The following CNTNAP2 variants were observed in gnomAD, a reference collection of about 807,000 sequenced individuals.
CNTNAP2 encodes contactin-associated protein-like 2.
A neutral mutation model predicts 155.2 loss-of-function variants in CNTNAP2; 98 were observed. The ratio of observed to expected loss-of-function variants is 0.63; its 90% CI spans 0.54 to 0.75. The LOEUF (loss-of-function observed/expected upper bound fraction) is 0.75, where lower values mean the gene tolerates loss of function less well. CNTNAP2 is among the 30% of genes least tolerant of loss of function. The pLI is 0.00. For synonymous variants in CNTNAP2, 651 were observed against 631.2 expected (o/e 1.03, Z -0.47); for missense variants, 1,727 against 1,688.1 (o/e 1.02, Z -0.40).
At chr7:147,889,118 A>C (rs1452989839) in intron 13 of CNTNAP2, among the ~76,000 whole-genome samples, 1 of 152,110 alleles carries the variant, frequency 6.6e-6, no homozygotes, top group South Asian at 2.1e-4. Context: ...TAAACTTTCT[A>C]GGGTATCTAC....
intron 11 of CNTNAP2, among the ~76,000 whole-genome samples, chr7:147,548,015 C>A (rs1019463281): frequency 6.6e-6 from 1 of 152,078 alleles, no homozygotes; most frequent in African/African-American, 2.4e-5. Flanking sequence ...CACTGATGGG[C>A]ATTTTGGTTG....
intron 1 of CNTNAP2, among the ~76,000 whole-genome samples, chr7:146,441,015 C>T (rs1796312985): frequency 6.6e-6 from 1 of 151,482 alleles, no homozygotes; most frequent in Admixed American, 6.6e-5. Context: ...ACAACTTGTC[C>T]TACAAGTCTA....
At chr7:147,456,626 G>C (rs376515346) in intron 10 of CNTNAP2, among the ~76,000 whole-genome samples, 1 of 151,992 alleles carries the variant, frequency 6.6e-6, no homozygotes, top group East Asian at 1.9e-4. Context: ...ACCTTGCATG[G>C]GGAAGAGGGA....
chr7:148,293,682 T>G (rs897485682), intron 21 of CNTNAP2, among the ~76,000 whole-genome samples: 3 of 152,180 alleles, frequency 2.0e-5, no homozygotes, highest in Non-Finnish European at 4.4e-5. Context: ...GGAGAAGTCA[T>G]GTCTTGGACA....
chr7:148,005,110 C>T (rs1488887515), intron 15 of CNTNAP2, among the ~76,000 whole-genome samples: 1 of 152,154 alleles, frequency 6.6e-6, no homozygotes, highest in African/African-American at 2.4e-5. Context: ...TTATAAACAA[C>T]TGAAATTTGT....
chr7:147,520,173 A>G lies in CNTNAP2; in HGVS notation c.1777+34132A>G, dbSNP rs537075798. On this transcript the variant is annotated intron_variant, in intron 11 of 23. Coordinates refer to ENST00000361727, the MANE Select transcript of CNTNAP2 (RefSeq NM_014141.6). ...GTGTGAAAACTGAGTTAATATTCTT[A>G]TGAACACGAATACTTGGCAGCCAAT... is the stretch of plus-strand genomic sequence containing the variant. 2.6e-5 allele frequency among the ~76,000 whole-genome samples: 4 copies of G among 152,358 alleles called. No homozygotes were observed. The East Asian group carries it at 5.8e-4, about 22-fold the overall frequency.
At chr7:146,842,674 G>A (rs1251012965) in intron 3 of CNTNAP2, among the ~76,000 whole-genome samples, 1 of 152,018 alleles carries the variant, frequency 6.6e-6, no homozygotes, top group African/African-American at 2.4e-5. Flanking sequence ...AGAAAGAGAC[G>A]GGGGTGTCAC....
intron 3 of CNTNAP2, among the ~76,000 whole-genome samples, chr7:146,850,080 T>TAAAA (rs2129202918): frequency 6.6e-6 from 1 of 152,282 alleles, no homozygotes; most frequent in Non-Finnish European, 1.5e-5. Flanking sequence ...TAAATTTGGT[T>TAAAA]TGCTTGAGTT....
chr7:147,228,063 C>T (rs1584805229), intron 8 of CNTNAP2, among the ~76,000 whole-genome samples: 1 of 152,034 alleles, frequency 6.6e-6, no homozygotes, highest in African/African-American at 2.4e-5. Flanking sequence ...TGTCAAGGAA[C>T]AGTAGATGAA....
intron 1 of CNTNAP2, among the ~76,000 whole-genome samples, chr7:146,550,842 G>C (rs1013739489): frequency 5.9e-5 from 9 of 151,998 alleles, no homozygotes; most frequent in South Asian, 2.1e-4. Context: ...CTGTTCCACA[G>C]GACATTGAAG....
At chr7:148,394,399 C>G (rs909922876) in intron 22 of CNTNAP2, among the ~76,000 whole-genome samples, 1 of 152,190 alleles carries the variant, frequency 6.6e-6, no homozygotes, top group Non-Finnish European at 1.5e-5. Flanking sequence ...CAGTACTTAT[C>G]ATTGAGCTTT....
At chr7:146,557,597 C>T (rs1197871112) in intron 1 of CNTNAP2, among the ~76,000 whole-genome samples, 1 of 151,980 alleles carries the variant, frequency 6.6e-6, no homozygotes, top group African/African-American at 2.4e-5. Flanking sequence ...AGTTAAAAGC[C>T]TTATGAGAAA....
chr7:147,278,115 G>A (rs1282274151), intron 8 of CNTNAP2, among the ~76,000 whole-genome samples: 1 of 117,292 alleles, frequency 8.5e-6, no homozygotes, highest in Admixed American at 9.1e-5. Flanking sequence ...TCAGGAAGGG[G>A]TGGAAACCAT....
At chr7:147,531,188 C>A (rs1247622633) in intron 11 of CNTNAP2, among the ~76,000 whole-genome samples, 1 of 152,128 alleles carries the variant, frequency 6.6e-6, no homozygotes, top group Non-Finnish European at 1.5e-5. Context: ...TGTGGCTTTT[C>A]CAAGTTCAAG....
At chr7:147,815,021 G>T (rs919335466) in intron 13 of CNTNAP2, among the ~76,000 whole-genome samples, 8 of 152,180 alleles carry the variant, frequency 5.3e-5, no homozygotes, top group Middle Eastern at 3.2e-3. Context: ...GAGAGCACCA[G>T]GGGTTGGAGG....
intron 1 of CNTNAP2, among the ~76,000 whole-genome samples, chr7:146,136,019 G>A (rs746831593): frequency 1.3e-5 from 2 of 152,092 alleles, no homozygotes; most frequent in Admixed American, 6.6e-5. Flanking sequence ...TATGTAAATA[G>A]CCCCCAATTA....
At chr7:146,778,407 T>C (rs1167536155) in intron 2 of CNTNAP2, among the ~76,000 whole-genome samples, 1 of 152,206 alleles carries the variant, frequency 6.6e-6, no homozygotes, top group African/African-American at 2.4e-5. Context: ...GGAAATGAGA[T>C]GTTTAAATGA....
intron 21 of CNTNAP2, among the ~76,000 whole-genome samples, chr7:148,300,049 G>A (rs1363880594): frequency 1.3e-5 from 2 of 152,126 alleles, no homozygotes; most frequent in South Asian, 2.1e-4. Context: ...CAGGGATAAC[G>A]GATTTTCAAG....
chr7:147,144,730 C>T (rs375910975), intron 8 of CNTNAP2, among the ~76,000 whole-genome samples: 3 of 152,086 alleles, frequency 2.0e-5, no homozygotes, highest in African/African-American at 7.2e-5. Context: ...TGTTTTACTG[C>T]CCATAGCAGT....
Sources: allele counts gnomAD v4.1 joint callset (sites outside exome capture counted in the v4.1 genomes callset), GRCh38; gene constraint gnomAD v4.1.1; transcripts MANE v1.5; gene names NCBI Gene and HGNC (gene_info 2026-07-23, HGNC 2026-07-21).